The following EPB41 variants were observed in gnomAD, a reference collection of about 807,000 sequenced individuals.
EPB41 encodes the protein protein 4.1.
Under a neutral mutation model 108.0 loss-of-function variants are expected in EPB41, and 65 were observed. The observed-to-expected ratio is 0.60, with a 90% confidence interval of 0.49 to 0.74. The LOEUF is 0.74. Ranked by LOEUF, EPB41 falls within the 30% of genes least tolerant of loss-of-function variation. The pLI is 0.00. For synonymous variants in EPB41, 336 were observed against 358.9 expected (o/e 0.94, Z 0.72); for missense variants, 875 against 1,037.0 (o/e 0.84, Z 2.15).
At chr1:28,907,840 A>AT (rs35900913) in intron 1 of EPB41, among the ~76,000 whole-genome samples, 80 of 149,384 alleles carry the variant, frequency 5.4e-4, no homozygotes, top group Admixed American at 1.2e-3. Flanking sequence ...AAAAATTTTA[A>AT]TTTTTTTTTT....
In EPB41 at chr1:29,029,247, CTTCAAT is replaced by C. The variant is rs571209974; in HGVS notation, c.1125-1148_1125-1143del. ...ATTTTCCCATTCTCCTTTTTTTAAT[CTTCAAT>C]TTCAGGTTCATTAATAAATAGAATT... On this transcript the variant is annotated intron_variant, in intron 7 of 20. Coordinates refer to ENST00000343067, the MANE Select transcript of EPB41 (RefSeq NM_001376013.1). Among the ~76,000 whole-genome samples, 12 of 152,016 alleles carry C rather than the reference CTTCAAT, an allele frequency of 7.9e-5. No homozygotes were observed. In the South Asian group the frequency reaches 2.5e-3, roughly 32 times the overall value.
chr1:28,927,195 T>C (rs938768449), intron 1 of EPB41, among the ~76,000 whole-genome samples: 4 of 152,234 alleles, frequency 2.6e-5, no homozygotes, highest in African/African-American at 9.6e-5. Flanking sequence ...CAGAAAGATA[T>C]ACCTTATTGT....
intron 1 of EPB41, among the ~76,000 whole-genome samples, chr1:28,896,534 A>AAGAT (rs2090681748): frequency 6.6e-6 from 1 of 152,220 alleles, no homozygotes; most frequent in African/African-American, 2.4e-5. Context: ...AGTTGGGAAG[A>AAGAT]AGATGCAGAA....
intron 1 of EPB41, among the ~76,000 whole-genome samples, chr1:28,929,743 C>T (rs929614935): frequency 6.7e-6 from 1 of 149,760 alleles, no homozygotes; most frequent in Non-Finnish European, 1.5e-5. Context: ...GTTGGTCAGG[C>T]GGCTAGTCTC....
At chr1:28,955,187 C>T (rs2094895166) in intron 1 of EPB41, among the ~76,000 whole-genome samples, 1 of 152,174 alleles carries the variant, frequency 6.6e-6, no homozygotes, top group African/African-American at 2.4e-5. Flanking sequence ...AGGCCAGTTA[C>T]AATGGGTATT....
At chr1:28,968,712 C>T (rs543039367) in intron 1 of EPB41, among the ~76,000 whole-genome samples, 1 of 152,100 alleles carries the variant, frequency 6.6e-6, no homozygotes, top group South Asian at 2.1e-4. Context: ...ACCTATAATC[C>T]CAGCGCTTTG....
At chr1:28,965,712 A>T (rs1246667867) in intron 1 of EPB41, among the ~76,000 whole-genome samples, 1 of 152,104 alleles carries the variant, frequency 6.6e-6, no homozygotes, top group African/African-American at 2.4e-5. Flanking sequence ...GGGATTTCAA[A>T]CTCATTACCA....
intron 1 of EPB41, among the ~76,000 whole-genome samples, chr1:28,964,625 AT>A (rs201977606): frequency 0.013 from 2,007 of 151,918 alleles, 46 homozygotes; most frequent in African/African-American, 0.045. Context: ...AAATAAATAA[AT>A]AAAATAAATA....
intron 11 of EPB41, among the ~76,000 whole-genome samples, chr1:29,051,096 T>G (rs973597501): frequency 9.0e-6 from 1 of 111,158 alleles, no homozygotes; most frequent in Non-Finnish European, 1.9e-5. Flanking sequence ...CTGTTTTTTT[T>G]TTTTTTTTTT....
At chr1:29,024,303 C>G (rs374073568) in intron 7 of EPB41, among the ~76,000 whole-genome samples, 1 of 150,730 alleles carries the variant, frequency 6.6e-6, no homozygotes, top group Non-Finnish European at 1.5e-5. Flanking sequence ...CCACTGCACT[C>G]TAGCCTGGGT....
chr1:29,069,370 G>A, intron 16 of EPB41: 3 of 1,230,366 alleles, frequency 2.4e-6, no homozygotes, highest in Non-Finnish European at 3.0e-6. Flanking sequence ...TTGGACAATT[G>A]GGGAGAAAAA....
intron 16 of EPB41, among the ~76,000 whole-genome samples, chr1:29,089,082 G>GT (rs1660286488): frequency 6.6e-6 from 1 of 152,172 alleles, no homozygotes; most frequent in African/African-American, 2.4e-5. Flanking sequence ...CTGCTCATCT[G>GT]TTCATCTATA....
At chr1:28,902,099 G>A in intron 1 of EPB41, 1 of 886,588 alleles carries the variant, frequency 1.1e-6, no homozygotes, top group Non-Finnish European at 1.4e-6. Context: ...ATGACTATAT[G>A]AAGCCTGTTC....
chr1:29,070,714 G>A, intron 16 of EPB41: 1 of 1,226,270 alleles, frequency 8.2e-7, no homozygotes, highest in Non-Finnish European at 1.0e-6. Context: ...GATCTTGATA[G>A]TTCACTATCC....
At chr1:29,008,830 A>G (rs780690005) in intron 4 of EPB41, among the ~76,000 whole-genome samples, 23 of 152,144 alleles carry the variant, frequency 1.5e-4, no homozygotes, top group Admixed American at 2.0e-4. Flanking sequence ...ACTCAGGTGT[A>G]TTGCAGTCAC....
At chr1:28,996,906 G>C (rs529713075) in intron 3 of EPB41, among the ~76,000 whole-genome samples, 4 of 151,780 alleles carry the variant, frequency 2.6e-5, no homozygotes, top group Non-Finnish European at 5.9e-5. Context: ...AGGCTGAGGC[G>C]GGGGAATCAC....
chr1:28,958,837 A>G lies in EPB41; in HGVS notation c.-7-28594A>G, dbSNP rs201830952. On this transcript the variant is annotated intron_variant, in intron 1 of 20. Coordinates refer to ENST00000343067, the MANE Select transcript of EPB41 (RefSeq NM_001376013.1). Reference sequence around the variant, plus strand: ...CTGTCTCCAAAAAAAAAAAAAAAAAAAAAGAAAGAAAAAAGAGAATAATGA... The same window carrying G: ...CTGTCTCCAAAAAAAAAAAAAAAAAGAAAGAAAGAAAAAAGAGAATAATGA... Among the ~76,000 whole-genome samples, 355 of 151,526 alleles carry G rather than the reference A, an allele frequency of 2.3e-3. 7 individuals are homozygous for G. The East Asian group carries it at 0.053, about 23-fold the overall frequency.
intron 1 of EPB41, among the ~76,000 whole-genome samples, chr1:28,923,315 G>A (rs867019277): frequency 1.3e-5 from 2 of 148,824 alleles, no homozygotes; most frequent in Non-Finnish European, 3.0e-5. Context: ...GGCTGGTCTC[G>A]AACTCCTGAC....
At chr1:29,032,608 A>G (rs1263000907) in intron 8 of EPB41, among the ~76,000 whole-genome samples, 1 of 152,202 alleles carries the variant, frequency 6.6e-6, no homozygotes, top group African/African-American at 2.4e-5. Flanking sequence ...AATTATAGAC[A>G]TAGATGATTA....
Sources: gnomAD v4.1 joint callset for allele counts (sites outside exome capture counted in the v4.1 genomes callset) on GRCh38, gnomAD v4.1.1 for gene constraint, MANE v1.5 for transcripts, NCBI Gene and HGNC (gene_info 2026-07-23, HGNC 2026-07-21) for gene names.